MAP6: variants seen among roughly 807,000 people sequenced by gnomAD.
The protein encoded by MAP6 is microtubule associated protein 6.
In MAP6, 26 loss-of-function variants were observed where a neutral mutation model predicts 42.4. The observed-to-expected ratio is 0.61, with a 90% CI of 0.45 to 0.85. The LOEUF is 0.85. Among genes scored for constraint, MAP6 ranks in the 40% least tolerant of loss-of-function variants. The probability of loss-of-function intolerance (pLI) is 0.00; values close to 1 mark genes in which losing one functional copy is unlikely to be tolerated. For synonymous variants in MAP6, 418 were observed against 443.8 expected (o/e 0.94, Z 0.73); for missense variants, 966 against 1,099.0 (o/e 0.88, Z 1.71).
At chr11:75,604,406 C>A in intron 3 of MAP6, 1 of 985,434 alleles carries the variant, frequency 1.0e-6, no homozygotes, top group Non-Finnish European at 1.2e-6. Context: ...TCACTCTTCA[C>A]CCCTTTCATT....
Position 75,667,440 on chromosome 11 carries a change from C to T in MAP6, c.905+25G>A, listed in dbSNP as rs772831688. 2.1e-6 allele frequency: 3 copies of T among 1,449,534 alleles called. No homozygotes were observed. The highest frequency in any genetic ancestry group is 1.4e-5 in the South Asian group (1 of 73,384). The allele number at this position is 1,449,534 out of a possible 1,614,324, so 89.8% of individuals were successfully genotyped here. On this transcript the variant is annotated intron_variant, in intron 1 of 3. Transcript: ENST00000304771. This position sits in a 1 kb window ranked among gnomAD's most constrained non-coding sequence, Gnocchi z 5.6. The stretch of plus-strand genomic sequence containing the variant: ...GGGAGGGTCTGCGTGGTGACTCCCC[C>T]GCGCTAGCAGCGGCCGCGTCTCACC...
chr11:75,601,532 C>T (rs1942663284), intron 3 of MAP6, among the ~76,000 whole-genome samples: 1 of 152,076 alleles, frequency 6.6e-6, no homozygotes, highest in Admixed American at 6.5e-5. Flanking sequence ...CTGCCTCCCC[C>T]AAAACTCAGC....
At chr11:75,595,227 A>G (rs1942557495) in intron 3 of MAP6, among the ~76,000 whole-genome samples, 1 of 152,156 alleles carries the variant, frequency 6.6e-6, no homozygotes, top group Non-Finnish European at 1.5e-5. Flanking sequence ...AGAAGCTTGC[A>G]TTGCAGTCAG....
chr11:75,654,203 A>G (rs1943697897), intron 1 of MAP6, among the ~76,000 whole-genome samples: 1 of 152,216 alleles, frequency 6.6e-6, no homozygotes, highest in East Asian at 1.9e-4. Context: ...TAGTTAATAC[A>G]TGGTAAGCAG....
chr11:75,655,571 C>G (rs1255089337), intron 1 of MAP6, among the ~76,000 whole-genome samples: 1 of 152,204 alleles, frequency 6.6e-6, no homozygotes, highest in Non-Finnish European at 1.5e-5. Flanking sequence ...CACCCAGATG[C>G]CTGGGCCTTG....
At chr11:75,625,587 C>T (rs989062962) in intron 1 of MAP6, among the ~76,000 whole-genome samples, 2 of 152,310 alleles carry the variant, frequency 1.3e-5, no homozygotes, top group African/African-American at 4.8e-5. Flanking sequence ...CAAGGGCACA[C>T]AGCTAACAAA....
intron 3 of MAP6, chr11:75,605,067 T>C: frequency 1.0e-6 from 1 of 985,396 alleles, no homozygotes; most frequent in Non-Finnish European, 1.2e-6. Flanking sequence ...GCCTCCTCAT[T>C]TCTGTGATCT....
chr11:75,594,811 TGACTTGGGGGAAG>T (rs1270547599), intron 3 of MAP6: 1 of 152,182 alleles, frequency 6.6e-6, no homozygotes, highest in Non-Finnish European at 1.5e-5. Flanking sequence ...AGCCAAGCCC[TGACTTGGGGGAAG>T]GAGCTCCTAG....
intron 1 of MAP6, among the ~76,000 whole-genome samples, chr11:75,659,953 G>A (rs1015559922): frequency 2.6e-5 from 4 of 152,036 alleles, no homozygotes; most frequent in Admixed American, 6.5e-5. Flanking sequence ...CCTTCTTTGT[G>A]GGTTAGTCTT....
Position 75,668,500 on chromosome 11 carries a change from G to A in MAP6, c.-131C>T. 7.5e-7 allele frequency: 1 copy of A among 1,331,726 alleles called. No individual in the cohort carries two copies. The highest frequency in any genetic ancestry group is 9.7e-7 in the Non-Finnish European group (1 of 1,029,052). 82.5% of individuals were successfully genotyped at this position (1,331,726 alleles called of 1,614,324 possible). ...CGTTTTCTACCCCCGATCAGCCGGAGCTAGTTCGCCCTCCTCCCTCAGCGA... is the reference window on the plus strand; with the variant it reads ...CGTTTTCTACCCCCGATCAGCCGGAACTAGTTCGCCCTCCTCCCTCAGCGA... On this transcript the variant is annotated 5_prime_UTR_variant, in exon 1 of 4. Transcript: ENST00000304771.
intron 1 of MAP6, among the ~76,000 whole-genome samples, chr11:75,647,583 A>C (rs1943583683): frequency 6.6e-6 from 1 of 152,188 alleles, no homozygotes; most frequent in Non-Finnish European, 1.5e-5. Context: ...AAAAAAACTC[A>C]TTCATAATAG....
rs1943990334 is a variant in MAP6 at position 75,667,960 on chromosome 11, C to A, written c.410G>T (p.Cys137Phe). 1.5e-6 allele frequency: 2 copies of A among 1,332,020 alleles called. No homozygotes were observed. The highest frequency in any genetic ancestry group is 1.9e-6 in the Non-Finnish European group (2 of 1,035,290). 82.5% of individuals were successfully genotyped at this position (1,332,020 alleles called of 1,614,324 possible). ...AWKVQRPEPSCRPRSEYQPSD... is the reference protein window; with the variant it reads ...AWKVQRPEPSFRPRSEYQPSD... Reference sequence around the variant, plus strand: ...GGGCTGGTATTCGCTGCGCGGCCGGCAGCTGGGCTCGGGCCGCTGCACCTT... The same window carrying A: ...GGGCTGGTATTCGCTGCGCGGCCGGAAGCTGGGCTCGGGCCGCTGCACCTT... The change falls in exon 1 of 4, where the codon TGC (cysteine) becomes TTC (phenylalanine). Residue 137 changes from cysteine (C) to phenylalanine (F), a missense_variant. Around this residue, in one of 2 missense-constraint regions of MAP6, gnomAD observed 943 missense variants for 1,049.9 expected, o/e 0.90. Coordinates refer to ENST00000304771, the MANE Select transcript of MAP6 (RefSeq NM_033063.2). This position sits in a 1 kb window ranked among gnomAD's most constrained non-coding sequence, Gnocchi z 5.6.
intron 3 of MAP6, among the ~76,000 whole-genome samples, chr11:75,590,764 C>T (rs1049395903): frequency 2.6e-5 from 4 of 151,998 alleles, no homozygotes; most frequent in Non-Finnish European, 4.4e-5. Flanking sequence ...GTCAGGAGTT[C>T]GAGATCAGCC....
intron 1 of MAP6, among the ~76,000 whole-genome samples, chr11:75,618,786 G>A (rs1051166692): frequency 4.6e-5 from 7 of 152,152 alleles, no homozygotes; most frequent in African/African-American, 9.7e-5. Flanking sequence ...ACCTCCTGTC[G>A]ATGCCCTGGT....
rs989744041 is a variant in MAP6 at position 75,667,687 on chromosome 11, C to G, written c.683G>C (p.Gly228Ala). The change falls in exon 1 of 4, where the codon GGA becomes GCA. Residue 228 changes from glycine to alanine, a missense_variant. Transcript: ENST00000304771. This position sits in a 1 kb window ranked among gnomAD's most constrained non-coding sequence, Gnocchi z 5.6. ...GCGCTCGTCCGCCCCGGACGCCTTT[C>G]CGGCCGCCAGGCCACCCGCTCCGCC... ...APGGAGGLAA[G>A]KASGADERDT... The G allele has an allele frequency of 3.1e-6, 4 of 1,275,468 alleles. No individual in the cohort carries two copies. In the Admixed American group the frequency reaches 1.6e-4, roughly 52 times the overall value. The allele number at this position is 1,275,468 out of a possible 1,614,324, so 79.0% of individuals were successfully genotyped here. A position where few individuals can be genotyped will look rare whatever the true frequency, so the allele number is the denominator to read the frequency against.
At chr11:75,645,014 C>T (rs999548713) in intron 1 of MAP6, among the ~76,000 whole-genome samples, 4 of 152,214 alleles carry the variant, frequency 2.6e-5, no homozygotes, top group African/African-American at 9.7e-5. Context: ...TTGTACGCCA[C>T]AGACCTAGGC....
chr11:75,603,445 T>G, intron 3 of MAP6: 1 of 985,728 alleles, frequency 1.0e-6, no homozygotes, highest in South Asian at 4.7e-5. Context: ...GCCAGTAAAG[T>G]GACACATTCA....
chr11:75,646,692 C>T (rs1259653526), intron 1 of MAP6, among the ~76,000 whole-genome samples: 2 of 151,388 alleles, frequency 1.3e-5, no homozygotes, highest in Non-Finnish European at 2.9e-5. Flanking sequence ...CCCAGCTAAT[C>T]GGGAGGCTGA....
At chr11:75,589,286 G>A (rs1407766927) in intron 3 of MAP6, among the ~76,000 whole-genome samples, 7 of 152,188 alleles carry the variant, frequency 4.6e-5, no homozygotes, top group African/African-American at 1.4e-4. Context: ...TGTGGAGAGC[G>A]TGTGACAACA....
Sources: gnomAD v4.1 joint callset for allele counts (sites outside exome capture counted in the v4.1 genomes callset) on GRCh38, gnomAD v4.1.1 for gene constraint, gnomAD v4.1.1 regional missense constraint, Gnocchi (gnomAD v3.1) non-coding constraint, MANE v1.5 for transcripts, NCBI Gene and HGNC (gene_info 2026-07-23, HGNC 2026-07-21) for gene names.